The following TRAPPC9 variants were observed in gnomAD, a reference collection of about 807,000 sequenced individuals.
TRAPPC9 encodes the protein trafficking protein particle complex subunit 9, also known as IKK2 binding protein.
In TRAPPC9, 83 loss-of-function variants were observed where a neutral mutation model predicts 124.0. That is an observed-to-expected ratio of 0.67 (90% CI 0.56 to 0.80). The LOEUF (loss-of-function observed/expected upper bound fraction) is 0.80, where lower values mean the gene tolerates loss of function less well. TRAPPC9 is among the 30% of genes least tolerant of loss of function. The probability of loss-of-function intolerance (pLI) is 0.00; values close to 1 mark genes in which losing one functional copy is unlikely to be tolerated. For synonymous variants in TRAPPC9, 638 were observed against 617.5 expected, an observed-to-expected ratio of 1.03 and a Z score of -0.49; for missense variants, 1,302 against 1,508.3, an observed-to-expected ratio of 0.86 and a Z score of 2.27.
At chr8:140,099,127 G>GCGCAGCTGCAGGAGTGC (rs1554623368) in intron 17 of TRAPPC9, 3 of 152,150 alleles carry the variant, frequency 2.0e-5, no homozygotes, top group Admixed American at 6.5e-5. Flanking sequence ...AGGTCTCAGT[G>GCGCAGCTGCAGGAGTGC]CGCAGCTGCA....
chr8:140,018,133 G>A lies in TRAPPC9; in HGVS notation c.2699+5804C>T, dbSNP rs374720666. Reference sequence around the variant, plus strand: ...GCTGGGATTATAGGCATGAACCACCGTGCCCAGCCACCTCTCTAATTATTT... The same window carrying A: ...GCTGGGATTATAGGCATGAACCACCATGCCCAGCCACCTCTCTAATTATTT... On this transcript the variant is annotated intron_variant, in intron 18 of 22. Coordinates refer to ENST00000438773, the MANE Select transcript of TRAPPC9 (RefSeq NM_001160372.4). 1.5e-4 allele frequency among the ~76,000 whole-genome samples: 23 copies of A among 152,044 alleles called. No homozygotes were observed. The East Asian group carries it at 3.1e-3, about 20-fold the overall frequency.
intron 21 of TRAPPC9, among the ~76,000 whole-genome samples, chr8:139,813,897 C>T (rs1824627808): frequency 6.8e-6 from 1 of 147,948 alleles, no homozygotes; most frequent in East Asian, 1.9e-4. Context: ...GAGGTGACAG[C>T]GTGGGGGCAG....
intron 21 of TRAPPC9, among the ~76,000 whole-genome samples, chr8:139,762,187 A>G (rs1820280984): frequency 6.6e-6 from 1 of 151,756 alleles, no homozygotes; most frequent in Non-Finnish European, 1.5e-5. Flanking sequence ...TGGGCTGAGG[A>G]AGACCCCTGG....
chr8:140,069,314 A>C (rs1248220399), intron 17 of TRAPPC9, among the ~76,000 whole-genome samples: 3 of 152,056 alleles, frequency 2.0e-5, no homozygotes, highest in Admixed American at 6.6e-5. Context: ...TGCCCACCCC[A>C]CCTGGGCAAA....
chr8:140,434,733 G>A (rs1452330907), intron 4 of TRAPPC9, among the ~76,000 whole-genome samples: 1 of 152,208 alleles, frequency 6.6e-6, no homozygotes, highest in Non-Finnish European at 1.5e-5. Flanking sequence ...CACTTTGGGA[G>A]GCCGAGGCGG....
intron 21 of TRAPPC9, among the ~76,000 whole-genome samples, chr8:139,851,948 T>C (rs369049626): frequency 1.4e-3 from 211 of 152,238 alleles, no homozygotes; most frequent in African/African-American, 4.9e-3. Flanking sequence ...GCCAGGGGAA[T>C]GAAGGACGTC....
intron 21 of TRAPPC9, among the ~76,000 whole-genome samples, chr8:139,741,027 A>C (rs1818517672): frequency 6.6e-6 from 1 of 152,030 alleles, no homozygotes; most frequent in African/African-American, 2.4e-5. Flanking sequence ...GGTTTCTGTG[A>C]CCCCAATGAG....
intron 17 of TRAPPC9, among the ~76,000 whole-genome samples, chr8:140,194,327 A>G (rs1023516748): frequency 4.6e-5 from 7 of 151,722 alleles, no homozygotes; most frequent in African/African-American, 1.7e-4. Flanking sequence ...AAAACTGCTC[A>G]AGTCCCTGAT....
intron 8 of TRAPPC9, among the ~76,000 whole-genome samples, chr8:140,361,445 C>A (rs964014516): frequency 2.6e-5 from 4 of 152,158 alleles, no homozygotes; most frequent in South Asian, 2.1e-4. Context: ...AAGGGGGCCA[C>A]GCCAAACTGT....
At chr8:140,064,853 C>T (rs2129680405) in intron 17 of TRAPPC9, among the ~76,000 whole-genome samples, 1 of 152,262 alleles carries the variant, frequency 6.6e-6, no homozygotes, top group Non-Finnish European at 1.5e-5. Context: ...AAAGACTCCC[C>T]CCATTCACTG....
intron 21 of TRAPPC9, among the ~76,000 whole-genome samples, chr8:139,833,089 C>A (rs1047516430): frequency 2.0e-5 from 3 of 152,142 alleles, no homozygotes; most frequent in African/African-American, 7.2e-5. Context: ...CAGTCTCCAG[C>A]GGACATCAGC....
intron 17 of TRAPPC9, among the ~76,000 whole-genome samples, chr8:140,198,151 T>C (rs868534995): frequency 2.0e-5 from 3 of 152,220 alleles, no homozygotes; most frequent in Non-Finnish European, 4.4e-5. Flanking sequence ...ATCTTGCTTC[T>C]AACCTCCAAG....
At chr8:139,925,549 A>G (rs1282142273) in intron 19 of TRAPPC9, among the ~76,000 whole-genome samples, 1 of 152,034 alleles carries the variant, frequency 6.6e-6, no homozygotes, top group East Asian at 1.9e-4. Flanking sequence ...GGAGTTCGAG[A>G]CCAGCCTGGG....
At chr8:140,343,794 A>G (rs761931798) in intron 9 of TRAPPC9, among the ~76,000 whole-genome samples, 5 of 152,174 alleles carry the variant, frequency 3.3e-5, no homozygotes, top group Non-Finnish European at 7.3e-5. Context: ...GGGGCCCTGG[A>G]ACTGGCATTG....
chr8:139,731,496 T>G (rs1413814379), intron 22 of TRAPPC9, among the ~76,000 whole-genome samples: 2 of 149,136 alleles, frequency 1.3e-5, no homozygotes, highest in African/African-American at 2.5e-5. Flanking sequence ...TGGGAGGGAG[T>G]GAGGGAGAGG....
chr8:140,028,568 C>G (rs1563701884), intron 17 of TRAPPC9, among the ~76,000 whole-genome samples: 1 of 152,230 alleles, frequency 6.6e-6, no homozygotes, highest in African/African-American at 2.4e-5. Context: ...CATGCCTGCA[C>G]AGCCCACTCT....
chr8:140,435,311 A>T, intron 3 of TRAPPC9, 71 bp from the exon 4 acceptor site: 1 of 1,561,498 alleles, frequency 6.4e-7, no homozygotes. Context: ...TAGTCAAGTC[A>T]GTGACCCTTC....
intron 19 of TRAPPC9, among the ~76,000 whole-genome samples, chr8:139,974,860 C>G (rs1046473798): frequency 1.3e-5 from 2 of 152,064 alleles, no homozygotes; most frequent in African/African-American, 4.8e-5. Context: ...CTCCGGCTGC[C>G]TCTCCCTCTC....
intron 20 of TRAPPC9, among the ~76,000 whole-genome samples, chr8:139,901,164 C>G (rs1830996916): frequency 6.6e-6 from 1 of 152,088 alleles, no homozygotes; most frequent in Admixed American, 6.5e-5. Context: ...AGTGGGTGCT[C>G]TGGGGTGGCG....
Sources: gnomAD v4.1 joint callset for allele counts (sites outside exome capture counted in the v4.1 genomes callset) on GRCh38, gnomAD v4.1.1 for gene constraint, MANE v1.5 for transcripts, NCBI Gene and HGNC (gene_info 2026-07-23, HGNC 2026-07-21) for gene names.